The following MOK variants were observed in gnomAD, a reference collection of about 807,000 sequenced individuals.
The protein encoded by MOK is MOK protein kinase, also known as MAPK/MAK/MRK overlapping kinase.
MOK carries 59 observed loss-of-function variants against 54.2 expected under a neutral mutation model. The ratio of observed to expected loss-of-function variants is 1.09; its 90% CI spans 0.88 to 1.35. The LOEUF is 1.35. Among genes scored for constraint, MOK ranks in the 40% most tolerant of loss-of-function variants. The pLI is 0.00. For missense variants in MOK, 517 were observed against 526.2 expected, an observed-to-expected ratio of 0.98 and a Z score of 0.17; for synonymous variants, 210 against 202.7, an observed-to-expected ratio of 1.04 and a Z score of -0.31.
intron 4 of MOK, among the ~76,000 whole-genome samples, chr14:102,253,452 C>T (rs1181047257): frequency 6.6e-6 from 1 of 152,220 alleles, no homozygotes; most frequent in Non-Finnish European, 1.5e-5. Context: ...AGGAGTCACT[C>T]GTCAACCCAG....
At chr14:102,267,776 G>A (rs943651978) in intron 2 of MOK, among the ~76,000 whole-genome samples, 2 of 151,952 alleles carry the variant, frequency 1.3e-5, no homozygotes, top group African/African-American at 4.8e-5. Flanking sequence ...TTAGCAACTC[G>A]CACCCCAGGT....
intron 4 of MOK, among the ~76,000 whole-genome samples, chr14:102,263,191 A>C (rs1235434795): frequency 6.6e-6 from 1 of 152,260 alleles, no homozygotes; most frequent in African/African-American, 2.4e-5. Flanking sequence ...AATGTCGAGC[A>C]ACAGCAGATC....
At chr14:102,221,148 A>T (rs2063844644), downstream of MOK, among the ~76,000 whole-genome samples, 1 of 152,094 alleles carries the variant, frequency 6.6e-6, no homozygotes, top group African/African-American at 2.4e-5. The surrounding 1 kb of genome is among the most constrained non-coding windows in gnomAD (Gnocchi z 4.8). Flanking sequence ...CTGGAGCAGC[A>T]CTCACCTCCA....
chr14:102,216,065 G>T, the MOK span, among the ~76,000 whole-genome samples: 1 of 152,188 alleles, frequency 6.6e-6, no homozygotes, highest in Non-Finnish European at 1.5e-5. Context: ...TTGGCAGCCG[G>T]CTGAGCCCTG....
chr14:102,227,205 G>A (rs1024914506), downstream of MOK, among the ~76,000 whole-genome samples: 2 of 152,150 alleles, frequency 1.3e-5, no homozygotes, highest in East Asian at 1.9e-4. Flanking sequence ...AGAGTAACAC[G>A]TTTCCCAAGT....
At chr14:102,302,673 C>G (rs1259150009) in intron 1 of MOK, among the ~76,000 whole-genome samples, 1 of 151,352 alleles carries the variant, frequency 6.6e-6, no homozygotes, top group Non-Finnish European at 1.5e-5. Flanking sequence ...CCTCGGCCTC[C>G]CAAAGTGTTG....
chr14:102,266,307 CT>C (rs898657530), intron 2 of MOK, among the ~76,000 whole-genome samples: 107 of 145,360 alleles, frequency 7.4e-4, no homozygotes, highest in Middle Eastern at 3.6e-3. Flanking sequence ...CCCACCCCTC[CT>C]TTTTTTTTTT....
At chr14:102,299,914 A>G (rs2071965756) in intron 1 of MOK, among the ~76,000 whole-genome samples, 1 of 152,138 alleles carries the variant, frequency 6.6e-6, no homozygotes, top group Non-Finnish European at 1.5e-5. Context: ...TGTTTTGAAT[A>G]ATTCATTAAA....
At chr14:102,222,279 G>T (rs1190235613), downstream of MOK, among the ~76,000 whole-genome samples, 4 of 152,206 alleles carry the variant, frequency 2.6e-5, no homozygotes, top group Non-Finnish European at 5.9e-5. This position sits in a 1 kb window ranked among gnomAD's most constrained non-coding sequence, Gnocchi z 4.4. Flanking sequence ...GTCTCTACCT[G>T]TGGGGCCTAC....
At chr14:102,268,621 A>G (rs2068096659) in intron 2 of MOK, among the ~76,000 whole-genome samples, 2 of 152,200 alleles carry the variant, frequency 1.3e-5, no homozygotes, top group African/African-American at 4.8e-5. Flanking sequence ...CTTTTAAAAA[A>G]AATGTAAAGA....
chr14:102,293,768 G>T (rs1367237196), intron 1 of MOK, among the ~76,000 whole-genome samples: 2 of 146,814 alleles, frequency 1.4e-5, no homozygotes, highest in East Asian at 2.1e-4. Context: ...ATATAAATAT[G>T]TAATTTTTTT....
chr14:102,250,267 C>T (rs769952033), intron 7 of MOK, among the ~76,000 whole-genome samples: 10 of 152,134 alleles, frequency 6.6e-5, no homozygotes, highest in Non-Finnish European at 8.8e-5. Context: ...CACCCCTGTG[C>T]GCGTCTTCAA....
intron 7 of MOK, among the ~76,000 whole-genome samples, chr14:102,250,545 C>T (rs1020663195): frequency 3.3e-5 from 5 of 152,272 alleles, no homozygotes; most frequent in African/African-American, 1.2e-4. Flanking sequence ...TCACAGCAAC[C>T]CCAAGGAGGC....
chr14:102,227,710 C>T (rs995276047), downstream of MOK, among the ~76,000 whole-genome samples: 3 of 152,254 alleles, frequency 2.0e-5, no homozygotes, highest in South Asian at 2.1e-4. Context: ...GCAGAGTGGG[C>T]ACCTGTGCCC....
At chr14:102,228,026 G>A (rs193291304), downstream of MOK, among the ~76,000 whole-genome samples, 6 of 152,322 alleles carry the variant, frequency 3.9e-5, no homozygotes, top group Admixed American at 3.3e-4. Flanking sequence ...ATAAACAAGA[G>A]GACTTACTAG....
At chr14:102,250,186 G>A (rs2066411743) in intron 7 of MOK, among the ~76,000 whole-genome samples, 1 of 152,140 alleles carries the variant, frequency 6.6e-6, no homozygotes, top group South Asian at 2.1e-4. Context: ...TGACCCCTCA[G>A]ATGCACCCCC....
At chr14:102,224,639 A>G, downstream of MOK, 1 of 456,024 alleles carries the variant, frequency 2.2e-6, no homozygotes, top group South Asian at 1.5e-5. Flanking sequence ...CACCATTTGT[A>G]TGAATGCAGC....
At chr14:102,247,278 A>G (rs752149076) in intron 7 of MOK, 6 of 152,228 alleles carry the variant, frequency 3.9e-5, no homozygotes, top group Non-Finnish European at 5.9e-5. Flanking sequence ...TGAGGACAAC[A>G]AAACAGTACA....
chr14:102,281,498 C>CAAAAAAAAAAA (rs1184533713), intron 2 of MOK, among the ~76,000 whole-genome samples: 1 of 48,266 alleles, frequency 2.1e-5, no homozygotes, highest in Non-Finnish European at 4.7e-5. Context: ...GACCCTGACT[C>CAAAAAAAAAAA]AAAAAAAAAA....
Sources: allele counts gnomAD v4.1 joint callset (sites outside exome capture counted in the v4.1 genomes callset), GRCh38; gene constraint gnomAD v4.1.1; non-coding constraint Gnocchi (gnomAD v3.1); transcripts MANE v1.5; gene names NCBI Gene and HGNC (gene_info 2026-07-23, HGNC 2026-07-21).